Variants in NFATC1 observed in about 807,000 individuals in gnomAD.
NFATC1 encodes the protein nuclear factor of activated T cells 1, also known as nuclear factor of activated T-cells, cytoplasmic 1.
In NFATC1, 22 loss-of-function variants were observed where a neutral mutation model predicts 76.0. The observed-to-expected ratio is 0.29, with a 90% CI of 0.21 to 0.41. The LOEUF (loss-of-function observed/expected upper bound fraction) is 0.41, where lower values mean the gene tolerates loss of function less well. Ranked by LOEUF, NFATC1 falls within the 10% of genes least tolerant of loss-of-function variation. The probability of loss-of-function intolerance (pLI) is 1.00; values close to 1 mark genes in which losing one functional copy is unlikely to be tolerated. For missense variants in NFATC1, 1,357 were observed against 1,337.7 expected (o/e 1.01, Z -0.23); for synonymous variants, 704 against 613.1 (o/e 1.15, Z -2.19).
At chr18:79,472,945 A>G (rs1284625844) in intron 8 of NFATC1, among the ~76,000 whole-genome samples, 1 of 152,170 alleles carries the variant, frequency 6.6e-6, no homozygotes, top group African/African-American at 2.4e-5. Context: ...GCGCCCTCCA[A>G]GGGCCTAAAA....
intron 6 of NFATC1, among the ~76,000 whole-genome samples, chr18:79,458,504 G>A (rs984724129): frequency 3.9e-5 from 6 of 152,216 alleles, no homozygotes; most frequent in African/African-American, 1.4e-4. Flanking sequence ...TGGCCGGTCT[G>A]GGAGGCTCCT....
intron 2 of NFATC1, among the ~76,000 whole-genome samples, chr18:79,424,590 T>G (rs778444238): frequency 3.9e-5 from 6 of 152,038 alleles, no homozygotes; most frequent in Non-Finnish European, 7.4e-5. Context: ...TCTCTTTCTC[T>G]GTCTCTCTCT....
chr18:79,481,937 G>C (rs1369163267), intron 8 of NFATC1, among the ~76,000 whole-genome samples: 2 of 140,900 alleles, frequency 1.4e-5, no homozygotes, highest in African/African-American at 2.7e-5. Flanking sequence ...ACGTGGTCCT[G>C]GGGTGTCACT....
chr18:79,398,947 G>A (rs1266214903), intron 1 of NFATC1, among the ~76,000 whole-genome samples: 2 of 152,212 alleles, frequency 1.3e-5, no homozygotes, highest in Non-Finnish European at 2.9e-5. Context: ...GGTGCCTGTA[G>A]TCCCAGCTAC....
At chr18:79,411,531 AG>A (rs916823045) in intron 2 of NFATC1, 30 bp downstream of exon 2, 1 of 1,352,670 alleles carries the variant, frequency 7.4e-7, no homozygotes, top group African/African-American at 1.5e-5. Flanking sequence ...CGGGACGGGG[AG>A]GCGAGGGGAG....
intron 3 of NFATC1, among the ~76,000 whole-genome samples, chr18:79,437,665 C>T (rs1187889757): frequency 5.9e-5 from 9 of 152,290 alleles, no homozygotes; most frequent in Non-Finnish European, 1.2e-4. Context: ...GGTGGCACCT[C>T]GGGCAGCCGC....
intron 9 of NFATC1, among the ~76,000 whole-genome samples, chr18:79,494,127 T>G (rs2089789718): frequency 2.0e-5 from 3 of 152,232 alleles, no homozygotes; most frequent in Admixed American, 2.0e-4. Context: ...CTCACGCGTT[T>G]CAGTTCCTCT....
chr18:79,433,506 T>C (rs2086667940), intron 2 of NFATC1, 73 bp from the exon 3 acceptor site: 5 of 1,580,264 alleles, frequency 3.2e-6, no homozygotes, highest in Non-Finnish European at 4.3e-6. Flanking sequence ...TGGCGACGGG[T>C]GAGCACGGGC....
intron 9 of NFATC1, among the ~76,000 whole-genome samples, chr18:79,525,878 T>C (rs967789759): frequency 2.0e-5 from 3 of 152,240 alleles, no homozygotes; most frequent in Admixed American, 2.0e-4. Context: ...GTAGCAAGGC[T>C]GAACCAGCGC....
chr18:79,430,763 G>A (rs926757439), intron 2 of NFATC1, among the ~76,000 whole-genome samples: 8 of 152,216 alleles, frequency 5.3e-5, no homozygotes, highest in African/African-American at 1.7e-4. Flanking sequence ...GCACCGCCTC[G>A]CATCATCTGC....
chr18:79,396,587 G>T (rs1042355321), intron 1 of NFATC1, among the ~76,000 whole-genome samples: 2 of 152,188 alleles, frequency 1.3e-5, no homozygotes, highest in African/African-American at 4.8e-5. Context: ...CCCCAGCGCT[G>T]AGGGCGCGAG....
intron 9 of NFATC1, among the ~76,000 whole-genome samples, chr18:79,520,648 CG>C (rs1293305306): frequency 0.017 from 191 of 11,548 alleles, 19 homozygotes; most frequent in Admixed American, 0.03. Context: ...GTCTGTGTGT[CG>C]GGGGGGGCAT....
intron 2 of NFATC1, chr18:79,420,915 G>C (rs1209300541): frequency 6.6e-6 from 1 of 151,650 alleles, no homozygotes; most frequent in Non-Finnish European, 1.5e-5. Flanking sequence ...AGAGGAAGAG[G>C]GTGGGACGCA....
chr18:79,410,262 G>A lies in NFATC1; in HGVS notation c.128-141G>A. 3 of 1,350,596 alleles carry A rather than the reference G, an allele frequency of 2.2e-6. No homozygotes were observed. In the South Asian group the frequency reaches 4.1e-5, roughly 18 times the overall value. The allele number at this position is 1,350,596 out of a possible 1,614,324, so 83.7% of individuals were successfully genotyped here. ...GTCGCCCGGAGCTGTCCGGCAGCGT[G>A]GTCTCAGGGACGTTTGCTGAGGCCC... On this transcript the variant is annotated intron_variant, in intron 1 of 9. Coordinates refer to ENST00000427363, the MANE Select transcript of NFATC1 (RefSeq NM_001278669.2). The surrounding 1 kb of genome is among the most constrained non-coding windows in gnomAD (Gnocchi z 6.7).
In NFATC1 at chr18:79,527,871, A is replaced by C; in HGVS notation, c.*294A>C. 1 of 479,258 alleles carries C rather than the reference A, an allele frequency of 2.1e-6. No individual in the cohort carries two copies. The highest frequency in any genetic ancestry group is 3.7e-6 in the Non-Finnish European group (1 of 270,942). The allele number at this position is 479,258 out of a possible 1,614,324, so 29.7% of individuals were successfully genotyped here. ...CAGGGGCCTTTCATGGGAACGGCCC[A>C]CACGCAGTTTGACCCCACGCCCAGC... On this transcript the variant is annotated 3_prime_UTR_variant, in exon 10 of 10. Transcript: ENST00000427363.
chr18:79,487,783 G>T (rs146663838), intron 9 of NFATC1, among the ~76,000 whole-genome samples: 1 of 152,154 alleles, frequency 6.6e-6, no homozygotes, highest in African/African-American at 2.4e-5. Context: ...GGGTGATTCC[G>T]CTCGTGTTTT....
chr18:79,480,724 G>C (rs1000212362), intron 8 of NFATC1, among the ~76,000 whole-genome samples: 1 of 152,216 alleles, frequency 6.6e-6, no homozygotes, highest in Admixed American at 6.5e-5. Context: ...AGCCGGCCTT[G>C]GCCCGTGGGG....
At chr18:79,490,178 T>C (rs942802369) in intron 9 of NFATC1, among the ~76,000 whole-genome samples, 1 of 152,066 alleles carries the variant, frequency 6.6e-6, no homozygotes, top group Non-Finnish European at 1.5e-5. Flanking sequence ...GAAGTTCTGC[T>C]CGTGGTGTGT....
intron 8 of NFATC1, among the ~76,000 whole-genome samples, chr18:79,475,773 G>A (rs991585294): frequency 3.3e-5 from 5 of 152,248 alleles, no homozygotes; most frequent in African/African-American, 1.2e-4. Context: ...GGTCCGAGAT[G>A]TGCTCGCCAA....
Sources: gnomAD v4.1 joint callset for allele counts (sites outside exome capture counted in the v4.1 genomes callset) on GRCh38, gnomAD v4.1.1 for gene constraint, Gnocchi (gnomAD v3.1) non-coding constraint, MANE v1.5 for transcripts, NCBI Gene and HGNC (gene_info 2026-07-23, HGNC 2026-07-21) for gene names.